Variants in EPGN observed in about 807,000 individuals in gnomAD.
EPGN encodes the protein epithelial mitogen, also known as epigen.
In EPGN, 21 loss-of-function variants were observed where a neutral mutation model predicts 20.7. The ratio of observed to expected loss-of-function variants is 1.01; its 90% CI spans 0.72 to 1.46. The LOEUF (loss-of-function observed/expected upper bound fraction) is 1.46. EPGN is among the 40% of genes most tolerant of loss of function. The probability of loss-of-function intolerance (pLI) is 0.00; values close to 1 mark genes in which losing one functional copy is unlikely to be tolerated. For missense variants in EPGN, 199 were observed against 180.7 expected (o/e 1.10, Z -0.58); for synonymous variants, 69 against 63.8 (o/e 1.08, Z -0.39).
chr4:74,312,809 C>T (rs555010206), intron 3 of EPGN, among the ~76,000 whole-genome samples: 1 of 152,204 alleles, frequency 6.6e-6, no homozygotes, highest in South Asian at 2.1e-4. Context: ...CCTTTTCCCT[C>T]TACTAATGAA....
chr4:74,316,492 T>C lies in EPGN; in HGVS notation c.*1855T>C, dbSNP rs1214403236. On this transcript the variant is annotated 3_prime_UTR_variant, in exon 5 of 5. Coordinates refer to ENST00000413830, the MANE Select transcript of EPGN (RefSeq NM_001270989.2). Reference sequence around the variant, plus strand: ...TCCTAAACCAAACTTAAAATTCTGCTTTCCTTTGAGTAGAAGGTATTTAAC... The same window carrying C: ...TCCTAAACCAAACTTAAAATTCTGCCTTCCTTTGAGTAGAAGGTATTTAAC... 6.6e-6 allele frequency among the ~76,000 whole-genome samples: 1 copy of C among 152,234 alleles called. No individual in the cohort carries two copies.
rs1174003196 is a variant in EPGN at position 74,314,640 on chromosome 4, C to A, written c.*3C>A. On this transcript the variant is annotated 3_prime_UTR_variant, in exon 5 of 5. Coordinates refer to ENST00000413830, the MANE Select transcript of EPGN (RefSeq NM_001270989.2). ...CTGGAGAAAGACGACCACTGTGAGGCCTTTGTGAAGAATTTTCATCAAGGC... is the reference window on the plus strand; with the variant it reads ...CTGGAGAAAGACGACCACTGTGAGGACTTTGTGAAGAATTTTCATCAAGGC... 3.9e-6 allele frequency: 6 copies of A among 1,535,758 alleles called. No individual in the cohort carries two copies. The Admixed American group carries it at 9.8e-5, about 25-fold the overall frequency.
intron 1 of EPGN, among the ~76,000 whole-genome samples, chr4:74,308,851 T>G (rs1324688911): frequency 2.6e-5 from 4 of 152,238 alleles, no homozygotes; most frequent in Admixed American, 2.6e-4. Flanking sequence ...TTCTTATTTT[T>G]TAATTAATAT....
chr4:74,308,529 A>G lies in EPGN; in HGVS notation c.-5A>G, dbSNP rs1461613093. The G allele has an allele frequency of 4.4e-6, 7 of 1,608,542 alleles. No homozygotes were observed. The highest frequency in any genetic ancestry group is 1.3e-5 in the African/African-American group (1 of 74,914). ...AAGAGAAAGAAAGTTAAGCAACTAC[A>G]GGAAATGGCTTTGGGAGTTCCAATA... On this transcript the variant is annotated 5_prime_UTR_variant, in exon 1 of 5. Coordinates refer to ENST00000413830, the MANE Select transcript of EPGN (RefSeq NM_001270989.2).
chr4:74,311,250 G>A (rs1750927471), intron 2 of EPGN, among the ~76,000 whole-genome samples: 1 of 151,932 alleles, frequency 6.6e-6, no homozygotes, highest in Non-Finnish European at 1.5e-5. Context: ...AAAGCACCCA[G>A]CACAGTTTAT....
Position 74,308,577 on chromosome 4 carries a change from G to A in EPGN, c.43+1G>A, listed in dbSNP as rs1296892851. ...ATATCAGTCTATCTTTTATTCAACG[G>A]TAGGTAATTTCCTTTTGTTTTGTTA... On this transcript the variant is annotated splice_donor_variant, in intron 1 of 4. Transcript: ENST00000413830. LOFTEE classifies it high-confidence loss of function. 6.2e-7 allele frequency: 1 copy of A among 1,608,314 alleles called. No homozygotes were observed. Among genetic ancestry groups the A allele is most frequent in the South Asian group, 1.1e-5 (1 of 90,118 alleles).
chr4:74,314,579 G>A lies in EPGN; in HGVS notation c.408-1G>A. 6.5e-7 allele frequency: 1 copy of A among 1,535,980 alleles called. No homozygotes were observed. The highest frequency in any genetic ancestry group is 8.7e-7 in the Non-Finnish European group (1 of 1,146,782). The stretch of plus-strand genomic sequence containing the variant: ...ATATGGAAACCAATGCTCTGTTTCA[G>A]GTGTCTAAAATTGAAATCGCCTTAC... On this transcript the variant is annotated splice_acceptor_variant, in intron 4 of 4. Transcript: ENST00000413830. LOFTEE classifies it high-confidence loss of function.
At chr4:74,313,398 C>T in intron 4 of EPGN, 1 of 1,368,738 alleles carries the variant, frequency 7.3e-7, no homozygotes, top group Admixed American at 3.6e-5. Flanking sequence ...AACGTACAGT[C>T]TCCCTTCAAC....
chr4:74,311,632 A>G (rs1249314897), intron 2 of EPGN, among the ~76,000 whole-genome samples: 1 of 152,214 alleles, frequency 6.6e-6, no homozygotes, highest in Non-Finnish European at 1.5e-5. Flanking sequence ...GGACTCAATT[A>G]GGCAATTTTA....
At chr4:74,311,585 T>G (rs537959315) in intron 2 of EPGN, among the ~76,000 whole-genome samples, 69 of 152,328 alleles carry the variant, frequency 4.5e-4, no homozygotes, top group Non-Finnish European at 2.4e-4. Context: ...TAATTCTGTT[T>G]GAGAAACATT....
chr4:74,310,998 CTGTATTTT>C (rs1408038043), intron 2 of EPGN, among the ~76,000 whole-genome samples: 1 of 151,968 alleles, frequency 6.6e-6, no homozygotes, highest in Non-Finnish European at 1.5e-5. Flanking sequence ...TATATCATTT[CTGTATTTT>C]TCCTTTGCTT....
Sources: gnomAD v4.1 joint callset for allele counts (sites outside exome capture counted in the v4.1 genomes callset) on GRCh38, gnomAD v4.1.1 for gene constraint, MANE v1.5 for transcripts, NCBI Gene and HGNC (gene_info 2026-07-23, HGNC 2026-07-21) for gene names.